KPNA3: variants seen among roughly 807,000 people sequenced by gnomAD.
KPNA3 encodes the protein karyopherin subunit alpha 3, also known as importin subunit alpha-4.
A neutral mutation model predicts 73.8 loss-of-function variants in KPNA3; 13 were observed. The observed-to-expected ratio is 0.18, with a 90% CI of 0.11 to 0.28. The LOEUF (loss-of-function observed/expected upper bound fraction) is 0.28. Ranked by LOEUF, KPNA3 falls within the 10% of genes least tolerant of loss-of-function variation. KPNA3 has a pLI of 1.00. For synonymous variants in KPNA3, 186 were observed against 206.9 expected (o/e 0.90, Z 0.87); for missense variants, 360 against 618.1 (o/e 0.58, Z 4.43).
At chr13:49,728,620 A>G (rs1198151292) in intron 6 of KPNA3, among the ~76,000 whole-genome samples, 1 of 152,238 alleles carries the variant, frequency 6.6e-6, no homozygotes, top group African/African-American at 2.4e-5. Context: ...GTACAATCGA[A>G]GCAAAAGTGG....
At chr13:49,746,797 T>C in intron 2 of KPNA3, 152 bp downstream of exon 2, 1 of 600,678 alleles carries the variant, frequency 1.7e-6, no homozygotes, top group Non-Finnish European at 2.9e-6. Context: ...AAATGAAAGC[T>C]ATTATGAATA....
chr13:49,709,795 C>T, intron 11 of KPNA3, 95 bp from the exon 12 acceptor site: 2 of 1,081,578 alleles, frequency 1.8e-6, no homozygotes, highest in Non-Finnish European at 2.6e-6. Flanking sequence ...AAATGCAAGG[C>T]ATAAATAACA....
At chr13:49,710,071 T>C (rs1031234451) in intron 11 of KPNA3, among the ~76,000 whole-genome samples, 2 of 152,186 alleles carry the variant, frequency 1.3e-5, no homozygotes, top group Non-Finnish European at 2.9e-5. Flanking sequence ...AAGACCAGCC[T>C]GGGCAACATA....
At chr13:49,751,463 A>G (rs1954662518) in intron 1 of KPNA3, among the ~76,000 whole-genome samples, 1 of 152,162 alleles carries the variant, frequency 6.6e-6, no homozygotes, top group South Asian at 2.1e-4. Flanking sequence ...TCAATTTTCC[A>G]CAATGCAGCC....
At chr13:49,735,853 C>G (rs1954517214) in intron 2 of KPNA3, among the ~76,000 whole-genome samples, 1 of 152,132 alleles carries the variant, frequency 6.6e-6, no homozygotes. Flanking sequence ...TTTCTTATAA[C>G]CCAACTTAAT....
intron 1 of KPNA3, among the ~76,000 whole-genome samples, chr13:49,755,955 CAT>C (rs1418983814): frequency 3.9e-5 from 6 of 151,990 alleles, no homozygotes; most frequent in Admixed American, 1.3e-4. Context: ...GCAATGAACA[CAT>C]AGACACTGAA....
chr13:49,753,045 A>AG (rs1329301011), intron 1 of KPNA3, among the ~76,000 whole-genome samples: 2 of 146,552 alleles, frequency 1.4e-5, no homozygotes, highest in Admixed American at 1.3e-4. Context: ...AAAAAAAAAA[A>AG]AAAAAAAAGA....
intron 10 of KPNA3, among the ~76,000 whole-genome samples, chr13:49,716,321 T>C (rs2137539702): frequency 6.6e-6 from 1 of 152,312 alleles, no homozygotes. Flanking sequence ...ATCTACTACA[T>C]AAAAAGGGTA....
chr13:49,749,653 TA>T lies in KPNA3; in HGVS notation c.70-2661del, dbSNP rs375607182. On this transcript the variant is annotated intron_variant, in intron 1 of 16. Transcript: ENST00000261667. ...AGTACTATACCCATGAAACGAACCA[TA>T]TGACTTTTGTGACTGCTTACTAATA... Among the ~76,000 whole-genome samples, 452 of 152,290 alleles carry T rather than the reference TA, an allele frequency of 3.0e-3. 1 individual carries two copies. The highest frequency in any genetic ancestry group is 0.01 in the African/African-American group (433 of 41,556).
At chr13:49,769,137 A>G (rs1018523325) in intron 1 of KPNA3, among the ~76,000 whole-genome samples, 2 of 151,110 alleles carry the variant, frequency 1.3e-5, no homozygotes, top group African/African-American at 2.5e-5. Flanking sequence ...ATTGTTATCT[A>G]TAGGAAGGTA....
Position 49,792,350 on chromosome 13 carries a change from A to G in KPNA3, c.69+88T>C, listed in dbSNP as rs1055765396. On this transcript the variant is annotated intron_variant, in intron 1 of 16. Coordinates refer to ENST00000261667, the MANE Select transcript of KPNA3 (RefSeq NM_002267.4). ...AACTCCGGCCGACCACAAGCCGACGAGAACCAGCCCGGCGCCGGCCCCCCG... is the reference window on the plus strand; with the variant it reads ...AACTCCGGCCGACCACAAGCCGACGGGAACCAGCCCGGCGCCGGCCCCCCG... 2.1e-5 allele frequency: 18 copies of G among 851,812 alleles called. No homozygotes were observed. The East Asian group carries it at 7.0e-4, about 33-fold the overall frequency. 52.8% of individuals were successfully genotyped at this position (851,812 alleles called of 1,614,324 possible). A position where few individuals can be genotyped will look rare whatever the true frequency, so the allele number is the denominator to read the frequency against.
chr13:49,745,836 G>A (rs1351143251), intron 2 of KPNA3, among the ~76,000 whole-genome samples: 10 of 151,366 alleles, frequency 6.6e-5, no homozygotes, highest in Non-Finnish European at 2.9e-5. Flanking sequence ...GGCTGAGGCG[G>A]GCAGATCACG....
chr13:49,727,944 G>A (rs1055084421), intron 6 of KPNA3, among the ~76,000 whole-genome samples: 2 of 152,156 alleles, frequency 1.3e-5, no homozygotes, highest in African/African-American at 4.8e-5. Context: ...CTTTTAAGAA[G>A]GGACAAGTCG....
intron 1 of KPNA3, among the ~76,000 whole-genome samples, chr13:49,757,141 T>C (rs1049232512): frequency 4.6e-5 from 7 of 152,110 alleles, no homozygotes; most frequent in African/African-American, 1.4e-4. Flanking sequence ...GTTCTTAAAC[T>C]TGACCGTAAA....
At chr13:49,769,226 TTAAC>T (rs1368072010) in intron 1 of KPNA3, among the ~76,000 whole-genome samples, 2 of 152,254 alleles carry the variant, frequency 1.3e-5, no homozygotes, top group Non-Finnish European at 2.9e-5. Context: ...TGAAAATGAC[TTAAC>T]TAGGTAATTT....
chr13:49,710,186 TGA>T (rs1437639113), intron 11 of KPNA3, among the ~76,000 whole-genome samples: 1 of 152,134 alleles, frequency 6.6e-6, no homozygotes, highest in Non-Finnish European at 1.5e-5. Context: ...CACTTGAACC[TGA>T]GAGGCAGAGG....
At position 49,701,769 on chromosome 13, in the gene KPNA3, A is replaced by C. The variant is rs1954150151; in HGVS notation, c.*31T>G. On this transcript the variant is annotated 3_prime_UTR_variant, in exon 17 of 17. Coordinates refer to ENST00000261667, the MANE Select transcript of KPNA3 (RefSeq NM_002267.4). ...AGCCATCTGGTGGTGCTTCATATTGAATGTGGGAAAGATGCTGCACTCAAC... is the reference window on the plus strand; with the variant it reads ...AGCCATCTGGTGGTGCTTCATATTGCATGTGGGAAAGATGCTGCACTCAAC... 1 of 1,314,758 alleles carries C rather than the reference A, an allele frequency of 7.6e-7. No individual in the cohort carries two copies. The highest frequency in any genetic ancestry group is 1.1e-6 in the Non-Finnish European group (1 of 907,576). The allele number at this position is 1,314,758 out of a possible 1,614,324, so 81.4% of individuals were successfully genotyped here.
chr13:49,774,948 G>A (rs1954884468), intron 1 of KPNA3, among the ~76,000 whole-genome samples: 1 of 152,124 alleles, frequency 6.6e-6, no homozygotes, highest in Non-Finnish European at 1.5e-5. Context: ...GAGGTCAACA[G>A]TTCAAGACTA....
intron 1 of KPNA3, among the ~76,000 whole-genome samples, chr13:49,748,680 A>C (rs1201594791): frequency 6.6e-6 from 1 of 152,134 alleles, no homozygotes; most frequent in Non-Finnish European, 1.5e-5. Context: ...AATAGAAACA[A>C]AACTGCCAAA....
Sources: gnomAD v4.1 joint callset for allele counts (sites outside exome capture counted in the v4.1 genomes callset) on GRCh38, gnomAD v4.1.1 for gene constraint, MANE v1.5 for transcripts, NCBI Gene and HGNC (gene_info 2026-07-23, HGNC 2026-07-21) for gene names.